Variants in MLLT3 observed in about 807,000 individuals in gnomAD.
MLLT3 encodes the protein MLLT3 super elongation complex subunit, also known as protein AF-9.
A neutral mutation model predicts 53.2 loss-of-function variants in MLLT3; 4 were observed. That is an observed-to-expected ratio of 0.08 (90% CI 0.04 to 0.17). The LOEUF (loss-of-function observed/expected upper bound fraction) is 0.17. Among genes scored for constraint, MLLT3 ranks in the 10% least tolerant of loss-of-function variants. The pLI is 1.00. For synonymous variants in MLLT3, 283 were observed against 230.6 expected (o/e 1.23, Z -2.06); for missense variants, 569 against 684.0 (o/e 0.83, Z 1.87).
At chr9:20,609,036 A>T (rs985039379) in intron 2 of MLLT3, among the ~76,000 whole-genome samples, 6 of 152,046 alleles carry the variant, frequency 3.9e-5, no homozygotes, top group African/African-American at 1.4e-4. Flanking sequence ...TTAACCTAAA[A>T]AAGATACTCT....
intron 5 of MLLT3, among the ~76,000 whole-genome samples, chr9:20,387,785 C>A (rs1160726950): frequency 6.6e-6 from 1 of 152,184 alleles, no homozygotes; most frequent in Admixed American, 6.5e-5. Context: ...AGAAAAGTTA[C>A]AAACAGAATT....
At chr9:20,511,640 T>C (rs1347138899) in intron 2 of MLLT3, among the ~76,000 whole-genome samples, 1 of 152,178 alleles carries the variant, frequency 6.6e-6, no homozygotes, top group Non-Finnish European at 1.5e-5. Context: ...AGCCTATGAA[T>C]AGCCACTGTA....
chr9:20,421,600 T>C (rs1005901925), intron 4 of MLLT3, among the ~76,000 whole-genome samples: 6 of 152,154 alleles, frequency 3.9e-5, no homozygotes, highest in African/African-American at 1.4e-4. Context: ...TGTCCTGACA[T>C]ATATGTTTAG....
At position 20,345,605 on chromosome 9, in the gene MLLT3, T is replaced by C. The variant is rs574063178; in HGVS notation, c.*838A>G. 3 of 207,370 alleles carry C rather than the reference T, an allele frequency of 1.4e-5. No individual in the cohort carries two copies. Among genetic ancestry groups the C allele is most frequent in the Non-Finnish European group, 3.0e-5 (3 of 101,646 alleles). 12.8% of individuals were successfully genotyped at this position (207,370 alleles called of 1,614,324 possible). Reference sequence around the variant, plus strand: ...TTGATGACAGCTCAACAATGCTGGATTCAGGACATTTACAGGTACACTTTT... The same window carrying C: ...TTGATGACAGCTCAACAATGCTGGACTCAGGACATTTACAGGTACACTTTT... On this transcript the variant is annotated 3_prime_UTR_variant, in exon 11 of 11. Transcript: ENST00000380338.
chr9:20,534,566 G>A (rs1162943074), intron 2 of MLLT3, among the ~76,000 whole-genome samples: 1 of 152,108 alleles, frequency 6.6e-6, no homozygotes, highest in Non-Finnish European at 1.5e-5. Context: ...TCCTCAATAA[G>A]CACACTAAAC....
At chr9:20,401,773 G>A (rs1035114772) in intron 5 of MLLT3, among the ~76,000 whole-genome samples, 1 of 152,160 alleles carries the variant, frequency 6.6e-6, no homozygotes, top group Non-Finnish European at 1.5e-5. Flanking sequence ...AAGGAAGGCT[G>A]GGGAAACTTT....
At chr9:20,489,060 A>G (rs1018968529) in intron 2 of MLLT3, among the ~76,000 whole-genome samples, 4 of 152,226 alleles carry the variant, frequency 2.6e-5, no homozygotes, top group Admixed American at 6.5e-5. Context: ...AGATTCCAAG[A>G]CATTAATACC....
intron 2 of MLLT3, among the ~76,000 whole-genome samples, chr9:20,553,486 T>C (rs949307602): frequency 3.9e-5 from 6 of 152,224 alleles, no homozygotes; most frequent in Non-Finnish European, 8.8e-5. Context: ...CAATTCCATC[T>C]GACCTCAATT....
chr9:20,342,112 G>C lies in MLLT3; in HGVS notation c.*4331C>G, dbSNP rs1247568835. 4.7e-6 allele frequency: 1 copy of C among 213,848 alleles called. No individual in the cohort carries two copies. The highest frequency in any genetic ancestry group is 9.4e-6 in the Non-Finnish European group (1 of 105,838). The allele number at this position is 213,848 out of a possible 1,614,324, so 13.2% of individuals were successfully genotyped here. A position where few individuals can be genotyped will look rare whatever the true frequency, so the allele number is the denominator to read the frequency against. On this transcript the variant is annotated 3_prime_UTR_variant, in exon 11 of 11. Transcript: ENST00000380338. ...AAACAGCATCACTTCTTGAGAAAAG[G>C]CTAGGGGCTAATTTTTCCTGTATGC...
At chr9:20,559,048 T>A (rs1393502004) in intron 2 of MLLT3, among the ~76,000 whole-genome samples, 2 of 152,180 alleles carry the variant, frequency 1.3e-5, no homozygotes, top group African/African-American at 4.8e-5. Context: ...CTGTTCCAGG[T>A]CCACCTTTAT....
At chr9:20,505,434 G>C (rs568400218) in intron 2 of MLLT3, among the ~76,000 whole-genome samples, 1 of 152,258 alleles carries the variant, frequency 6.6e-6, no homozygotes, top group South Asian at 2.1e-4. Context: ...CAGAGTGCCT[G>C]AGATGTCAGA....
At chr9:20,610,128 TC>T (rs1343331636) in intron 2 of MLLT3, among the ~76,000 whole-genome samples, 1 of 152,090 alleles carries the variant, frequency 6.6e-6, no homozygotes, top group Admixed American at 6.6e-5. Context: ...CCTTTCTACC[TC>T]CCAGGCCAGG....
intron 5 of MLLT3, among the ~76,000 whole-genome samples, chr9:20,386,174 T>C (rs550262439): frequency 6.6e-6 from 1 of 152,212 alleles, no homozygotes; most frequent in African/African-American, 2.4e-5. Flanking sequence ...CATAATGTTA[T>C]CTGAAATGAA....
At chr9:20,428,850 C>T (rs1019988601) in intron 4 of MLLT3, among the ~76,000 whole-genome samples, 57 of 151,944 alleles carry the variant, frequency 3.8e-4, no homozygotes, top group African/African-American at 1.2e-3. Flanking sequence ...AAGAATATAT[C>T]ATAAATAATT....
intron 2 of MLLT3, among the ~76,000 whole-genome samples, chr9:20,573,314 G>C (rs1037443580): frequency 2.0e-5 from 3 of 151,890 alleles, no homozygotes; most frequent in African/African-American, 7.3e-5. Flanking sequence ...CAAATAGCTG[G>C]AACTATAGGC....
chr9:20,518,347 AAAAC>A (rs898253780), intron 2 of MLLT3, among the ~76,000 whole-genome samples: 12 of 152,314 alleles, frequency 7.9e-5, no homozygotes, highest in African/African-American at 1.7e-4. Flanking sequence ...ACTCCGTCTC[AAAAC>A]AAACAAACAA....
chr9:20,601,331 A>T (rs1820415892), intron 2 of MLLT3, among the ~76,000 whole-genome samples: 1 of 152,182 alleles, frequency 6.6e-6, no homozygotes, highest in Non-Finnish European at 1.5e-5. Context: ...GCGTGTTTCT[A>T]AAAAAACACA....
At chr9:20,417,284 G>A (rs1027677320) in intron 4 of MLLT3, among the ~76,000 whole-genome samples, 2 of 147,788 alleles carry the variant, frequency 1.4e-5, no homozygotes, top group African/African-American at 4.9e-5. Context: ...TACACAGCCA[G>A]ACATTAAACT....
At chr9:20,453,019 G>A (rs1404638505) in intron 3 of MLLT3, among the ~76,000 whole-genome samples, 1 of 152,024 alleles carries the variant, frequency 6.6e-6, no homozygotes, top group East Asian at 1.9e-4. Flanking sequence ...CTCACATTAG[G>A]TGCTCTTACA....
Sources: allele counts gnomAD v4.1 joint callset (sites outside exome capture counted in the v4.1 genomes callset), GRCh38; gene constraint gnomAD v4.1.1; transcripts MANE v1.5; gene names NCBI Gene and HGNC (gene_info 2026-07-23, HGNC 2026-07-21).